KRI1: variants seen among roughly 807,000 people sequenced by gnomAD.
KRI1 encodes KRI1 homolog.
A neutral mutation model predicts 97.0 loss-of-function variants in KRI1; 83 were observed. The observed-to-expected ratio is 0.86, with a 90% CI of 0.72 to 1.03. The LOEUF (loss-of-function observed/expected upper bound fraction) is 1.03. Ranked by LOEUF, KRI1 falls within the 50% of genes least tolerant of loss-of-function variation. The pLI is 0.00. For synonymous variants in KRI1, 371 were observed against 363.5 expected (o/e 1.02, Z -0.23); for missense variants, 916 against 928.4 (o/e 0.99, Z 0.17).
At position 10,553,600 on chromosome 19, in the gene KRI1, G is replaced by C; in HGVS notation, c.*351C>G. On this transcript the variant is annotated 3_prime_UTR_variant, in exon 19 of 19. Coordinates refer to ENST00000312962, the MANE Select transcript of KRI1 (RefSeq NM_023008.5). ...ATTTTTTTTTTTTTTTCAAGAGACA[G>C]GGTCTTGCTTTGTTGCCCAGGCTGG... 4.9e-6 allele frequency: 1 copy of C among 203,844 alleles called. No homozygotes were observed. 12.6% of individuals were successfully genotyped at this position (203,844 alleles called of 1,614,324 possible). A position where few individuals can be genotyped will look rare whatever the true frequency, so the allele number is the denominator to read the frequency against.
intron 3 of KRI1, 50 bp downstream of exon 3, chr19:10,564,879 C>T (rs566490875): frequency 7.5e-6 from 9 of 1,199,272 alleles, no homozygotes; most frequent in African/African-American, 6.0e-5. Flanking sequence ...GAAAGGACCC[C>T]GGATTCTGCT....
In KRI1 at chr19:10,559,611, A is replaced by C. The variant is rs1257545463; in HGVS notation, c.1023+2T>G. 2 of 1,613,466 alleles carry C rather than the reference A, an allele frequency of 1.2e-6. No individual in the cohort carries two copies. Among genetic ancestry groups the C allele is most frequent in the East Asian group, 2.2e-5 (1 of 44,858 alleles). Reference sequence around the variant, plus strand: ...CCTCCCCAGCTCACCCCCCACACTCACCCTCTTCTTTCGCTCCCGAGTCTC... The same window carrying C: ...CCTCCCCAGCTCACCCCCCACACTCCCCCTCTTCTTTCGCTCCCGAGTCTC... On this transcript the variant is annotated splice_donor_variant, in intron 11 of 18. Transcript: ENST00000312962. LOFTEE classifies it high-confidence loss of function.
Position 10,561,948 on chromosome 19 carries a change from C to A in KRI1, c.384-103G>T. ...CCAAGCAACAGCTGGCGGGGGTCAT[C>A]GGAGGGCTATGGAATCACTGAGACT... On this transcript the variant is annotated intron_variant, in intron 4 of 18. Coordinates refer to ENST00000312962, the MANE Select transcript of KRI1 (RefSeq NM_023008.5). The A allele has an allele frequency of 1.9e-5, 19 of 1,010,200 alleles. 1 individual carries two copies. In the South Asian group the frequency reaches 2.6e-4, roughly 14 times the overall value. 62.6% of individuals were successfully genotyped at this position (1,010,200 alleles called of 1,614,324 possible). A position where few individuals can be genotyped will look rare whatever the true frequency, so the allele number is the denominator to read the frequency against.
chr19:10,553,914 G>T lies in KRI1; in HGVS notation c.*37C>A. 1 of 1,491,876 alleles carries T rather than the reference G, an allele frequency of 6.7e-7. No homozygotes were observed. 92.4% of individuals were successfully genotyped at this position (1,491,876 alleles called of 1,614,324 possible). A position where few individuals can be genotyped will look rare whatever the true frequency, so the allele number is the denominator to read the frequency against. On this transcript the variant is annotated 3_prime_UTR_variant, in exon 19 of 19. Transcript: ENST00000312962. ...GAGACCTGTCCAGGGCTTGATTTGA[G>T]GAGAGGAGCCTGAGGCCCCTGCCTG...
At position 10,559,498 on chromosome 19, in the gene KRI1, T is replaced by C. The variant is rs377626522; in HGVS notation, c.1055A>G (p.Gln352Arg). The C allele has an allele frequency of 1.6e-5, 26 of 1,613,912 alleles. No individual in the cohort carries two copies. The African/African-American group carries it at 3.5e-4, about 22-fold the overall frequency. ...CTCCTTCCTCTTCAGGTTCTTCAGC[T>C]GCTTGAGCTCTTCCTGCTTCTTTGC... Reference protein sequence around the residue: ...EKAKKQEELKQLKNLKRKEIL... With the variant: ...EKAKKQEELKRLKNLKRKEIL... The change falls in exon 12 of 19, where the codon CAG (glutamine) becomes CGG (arginine). Residue 352 changes from glutamine to arginine, a missense_variant. Gln to Arg is a conservative substitution (Grantham distance 43, BLOSUM62 1). This residue lies in a region of KRI1 where 672 missense variants were observed against 667.2 expected (regional missense o/e 1.01). Coordinates refer to ENST00000312962, the MANE Select transcript of KRI1 (RefSeq NM_023008.5).
intron 16 of KRI1, 67 bp downstream of exon 16, chr19:10,557,485 C>T (rs1288509413): frequency 1.3e-6 from 2 of 1,534,056 alleles, no homozygotes; most frequent in South Asian, 2.4e-5. Flanking sequence ...GGACTCAGGG[C>T]CAGCTTTCTA....
Position 10,557,833 on chromosome 19 carries a change from G to C in KRI1, c.1422C>G (p.Gly474=). 6.2e-7 allele frequency: 1 copy of C among 1,613,464 alleles called. No homozygotes were observed. The highest frequency in any genetic ancestry group is 8.5e-7 in the Non-Finnish European group (1 of 1,179,964). The change falls in exon 15 of 19, where the codon GGC becomes GGG. Residue 474 remains glycine, a synonymous_variant. Coordinates refer to ENST00000312962, the MANE Select transcript of KRI1 (RefSeq NM_023008.5). ...CGAAGGGCGACTTGCGCTTCTTCTT[G>C]CCCGTCAAGGGGGCCTCGCGCTTTT... The part of the protein sequence containing the change: ...RKKKREAPLT[G]KKKRKSPFAA...
At chr19:10,564,035 ACTCCGGAGG>A (rs1916779242) in intron 3 of KRI1, among the ~76,000 whole-genome samples, 1 of 151,246 alleles carries the variant, frequency 6.6e-6, no homozygotes, top group South Asian at 2.1e-4. Flanking sequence ...AATCCCAGCT[ACTCCGGAGG>A]CTGAGGCAGG....
At position 10,565,747 on chromosome 19, in the gene KRI1, G is replaced by A. The variant is rs3745245; in HGVS notation, c.138C>T (p.Ser46=). ...GCTCGTCGCTTGAGTCCGACTCGGA[G>A]CTGGAGTCGCTGCTGCTGTCTCGGT... The part of the protein sequence containing the change: ...YGDRDSSSDS[S]SESDSSDERV... The change falls in exon 2 of 19, where the codon AGC becomes AGT. Residue 46 remains serine (S), a synonymous_variant. Coordinates refer to ENST00000312962, the MANE Select transcript of KRI1 (RefSeq NM_023008.5). 1,141,322 of 1,579,382 alleles carry A rather than the reference G, an allele frequency of 0.72. 420,042 individuals are homozygous for A. Among genetic ancestry groups the A allele is most frequent in the Non-Finnish European group, 0.76 (882,854 of 1,164,360 alleles).
At position 10,557,847 on chromosome 19, in the gene KRI1, C is replaced by T. The variant is rs375080777; in HGVS notation, c.1408G>A (p.Ala470Thr). The change falls in exon 15 of 19, where the codon GCC (alanine) becomes ACC (threonine). Residue 470 changes from alanine to threonine, a missense_variant. Around this residue, in one of 3 missense-constraint regions of KRI1, gnomAD observed 672 missense variants for 667.2 expected, o/e 1.01. Transcript: ENST00000312962. ...CGCTTCTTCTTGCCCGTCAAGGGGG[C>T]CTCGCGCTTTTTCTTCCTCGGCTGG... Reference protein sequence around the residue: ...PSQPRKKKREAPLTGKKKRKS... With the variant: ...PSQPRKKKRETPLTGKKKRKS... 1.2e-6 allele frequency: 2 copies of T among 1,613,538 alleles called. No homozygotes were observed. Among genetic ancestry groups the T allele is most frequent in the East Asian group, 2.2e-5 (1 of 44,886 alleles).
chr19:10,565,864 C>T (rs1261439215), intron 1 of KRI1, 42 bp downstream of exon 1: 3 of 1,534,870 alleles, frequency 2.0e-6, no homozygotes, highest in Non-Finnish European at 2.6e-6. Flanking sequence ...TCCCAACCGG[C>T]CGGCGCGCGC....
At chr19:10,555,430 C>A in intron 16 of KRI1, 81 bp from the exon 17 acceptor site, 1 of 1,476,866 alleles carries the variant, frequency 6.8e-7, no homozygotes, top group South Asian at 1.1e-5. Context: ...TGTCATTAGT[C>A]AAAACGGTAA....
rs34743532 is a variant in KRI1 at position 10,559,811 on chromosome 19, G to A, written c.926C>T (p.Ser309Leu). The A allele has an allele frequency of 3.0e-3, 4,762 of 1,613,782 alleles. 108 individuals carry two copies. In the African/African-American group the frequency reaches 0.055, roughly 19 times the overall value. ...NFRFEEPDSA[S>L]VKTYPRSIAS... ...TCCTCCCCAGCCCCAGCCACACACC[G>A]ATGCTGAGTCCGGCTCCTCGAAACG... The change falls in exon 10 of 19, where the codon TCG becomes TTG. Residue 309 changes from serine to leucine, a missense_variant and splice_region_variant. By Grantham distance (145) the Ser-to-Leu change is moderately radical. Around this residue, in one of 3 missense-constraint regions of KRI1, gnomAD observed 672 missense variants for 667.2 expected, o/e 1.01. Coordinates refer to ENST00000312962, the MANE Select transcript of KRI1 (RefSeq NM_023008.5).
intron 2 of KRI1, chr19:10,565,271 C>A: frequency 1.8e-6 from 1 of 568,694 alleles, no homozygotes; most frequent in East Asian, 3.0e-5. Flanking sequence ...AAGGTAATTC[C>A]TGGGGAAGAC....
In KRI1 at chr19:10,557,874, T is replaced by C; in HGVS notation, c.1381A>G (p.Ser461Gly). The C allele has an allele frequency of 6.2e-7, 1 of 1,613,632 alleles. No individual in the cohort carries two copies. The highest frequency in any genetic ancestry group is 1.1e-5 in the South Asian group (1 of 91,068). Residue 461 changes from serine to glycine, a missense_variant, in exon 15 of 19, where the codon AGC (serine) becomes GGC (glycine). By Grantham distance (56) the Ser-to-Gly change is moderately conservative. Transcript: ENST00000312962. ...NFNMDADYDP[S>G]QPRKKKREAP... is the part of the protein sequence containing the mutation. ...TCGCGCTTTTTCTTCCTCGGCTGGC[T>C]GGGGTCGTAGTCGGCGTCCATCTGC...
rs1413288006 is a variant in KRI1, at chr19:10,553,934, T to C, written c.*17A>G. 3.2e-6 allele frequency: 5 copies of C among 1,561,866 alleles called. No individual in the cohort carries two copies. Among genetic ancestry groups the C allele is most frequent in the Non-Finnish European group, 4.3e-6 (5 of 1,154,808 alleles). ...TTTGAGGAGAGGAGCCTGAGGCCCC[T>C]GCCTGCTCCCTGGTGCTCAGGAGCT... On this transcript the variant is annotated 3_prime_UTR_variant, in exon 19 of 19. Coordinates refer to ENST00000312962, the MANE Select transcript of KRI1 (RefSeq NM_023008.5).
chr19:10,565,815 C>CCCCCG, intron 1 of KRI1, 25 bp from the exon 2 acceptor site: 1 of 1,551,916 alleles, frequency 6.4e-7, no homozygotes. Flanking sequence ...CGGGATGCCC[C>CCCCCG]CCCCCAGGTC....
chr19:10,559,796 C>A lies in KRI1; in HGVS notation c.927+14G>T. The A allele has an allele frequency of 1.2e-6, 2 of 1,613,716 alleles. No individual in the cohort carries two copies. The highest frequency in any genetic ancestry group is 1.7e-6 in the Non-Finnish European group (2 of 1,179,872). On this transcript the variant is annotated intron_variant, in intron 10 of 18. Transcript: ENST00000312962. ...ACCCTGGGGGCTGAGTCCTCCCCAG[C>A]CCCAGCCACACACCGATGCTGAGTC...
intron 2 of KRI1, 121 bp downstream of exon 2, chr19:10,565,596 G>T: frequency 7.8e-7 from 1 of 1,277,428 alleles, no homozygotes; most frequent in Non-Finnish European, 1.1e-6. Context: ...GGGGAGCGGA[G>T]GATGGGACGC....
Sources: gnomAD v4.1 joint callset for allele counts (sites outside exome capture counted in the v4.1 genomes callset) on GRCh38, gnomAD v4.1.1 for gene constraint, gnomAD v4.1.1 regional missense constraint, MANE v1.5 for transcripts, NCBI Gene and HGNC (gene_info 2026-07-23, HGNC 2026-07-21) for gene names.